Variants in AFF1 observed in about 807,000 individuals in gnomAD.
AFF1 encodes ALF transcription elongation factor 1.
In AFF1, 48 loss-of-function variants were observed where a neutral mutation model predicts 121.7. That is an observed-to-expected ratio of 0.39 (90% confidence interval 0.31 to 0.50). The LOEUF (loss-of-function observed/expected upper bound fraction) is 0.50. Ranked by LOEUF, AFF1 falls within the 20% of genes least tolerant of loss-of-function variation. The probability of loss-of-function intolerance (pLI) is 0.76; values close to 1 mark genes in which losing one functional copy is unlikely to be tolerated. For synonymous variants in AFF1, 613 were observed against 563.0 expected (o/e 1.09, Z -1.26); for missense variants, 1,523 against 1,511.7 (o/e 1.01, Z -0.12).
At chr4:87,018,999 T>C (rs1727622606) in intron 2 of AFF1, among the ~76,000 whole-genome samples, 1 of 152,208 alleles carries the variant, frequency 6.6e-6, no homozygotes, top group South Asian at 2.1e-4. Flanking sequence ...CTATTAAATA[T>C]AAAGGTTAAT....
At chr4:87,027,988 C>T (rs377426542) in intron 2 of AFF1, among the ~76,000 whole-genome samples, 94 of 151,748 alleles carry the variant, frequency 6.2e-4, no homozygotes, top group African/African-American at 2.1e-3. Context: ...TGAGTGATGA[C>T]ATGACACTCT....
intron 2 of AFF1, among the ~76,000 whole-genome samples, chr4:86,995,574 G>A (rs1233739008): frequency 2.0e-5 from 3 of 151,962 alleles, no homozygotes; most frequent in Admixed American, 6.6e-5. Flanking sequence ...TCGGCCTCCC[G>A]AGGTGCCGGG....
rs1211670776 is a variant in AFF1 at position 87,125,146 on chromosome 4, G to A, written c.2573+3G>A. ...CACAAAGAATCTTCTAAAACAAAGT[G>A]AGTATAGAGATTAGCAACCACCTAA... On this transcript the variant is annotated splice_donor_region_variant and intron_variant, in intron 13 of 20. Coordinates refer to ENST00000395146, the MANE Select transcript of AFF1 (RefSeq NM_001166693.3). The A allele has an allele frequency of 6.2e-7, 1 of 1,602,970 alleles. No individual in the cohort carries two copies. The highest frequency in any genetic ancestry group is 1.7e-5 in the Admixed American group (1 of 58,652).
chr4:86,976,653 G>A (rs937104529), intron 2 of AFF1, among the ~76,000 whole-genome samples: 2 of 152,142 alleles, frequency 1.3e-5, no homozygotes, highest in African/African-American at 2.4e-5. Flanking sequence ...GACCTAACAT[G>A]TACTATGCTT....
chr4:87,083,054 G>A (rs1723328684), intron 4 of AFF1, among the ~76,000 whole-genome samples: 1 of 152,180 alleles, frequency 6.6e-6, no homozygotes, highest in Admixed American at 6.5e-5. Flanking sequence ...ATGATGCCTG[G>A]CTCATGAATT....
At chr4:87,039,701 C>T (rs2149598943) in intron 2 of AFF1, among the ~76,000 whole-genome samples, 1 of 152,220 alleles carries the variant, frequency 6.6e-6, no homozygotes, top group Non-Finnish European at 1.5e-5. Context: ...CAGGTTGAAC[C>T]TCAAAGATGG....
chr4:86,936,120 G>A (rs942743070), intron 1 of AFF1: 1 of 152,242 alleles, frequency 6.6e-6, no homozygotes, highest in African/African-American at 2.4e-5. Flanking sequence ...ATCATCCCGG[G>A]AAGGCACTTG....
intron 2 of AFF1, among the ~76,000 whole-genome samples, chr4:87,005,689 G>A (rs1726051175): frequency 6.6e-6 from 1 of 152,116 alleles, no homozygotes; most frequent in African/African-American, 2.4e-5. Context: ...CTGCTTCCTG[G>A]GTACTTCCCA....
chr4:87,130,061 G>T (rs1352617839), intron 16 of AFF1, among the ~76,000 whole-genome samples: 2 of 149,816 alleles, frequency 1.3e-5, no homozygotes, highest in Non-Finnish European at 3.0e-5. Context: ...CGTAACCTCT[G>T]CCTCCCATAT....
rs1238034461 is a variant in AFF1, at chr4:87,134,711, G to GT, written c.3535+18dup. 6.3e-7 allele frequency: 1 copy of GT among 1,592,962 alleles called. No individual in the cohort carries two copies. The highest frequency in any genetic ancestry group is 1.7e-5 in the Admixed American group (1 of 59,894). ...AGAATAAAGGTAAATAAATGGCTTT[G>GT]TGGTGGTAATTACTGGGGTGTTTGG... On this transcript the variant is annotated intron_variant, in intron 20 of 20. Transcript: ENST00000395146.
At chr4:87,034,002 G>A (rs921155395) in intron 2 of AFF1, among the ~76,000 whole-genome samples, 5 of 152,126 alleles carry the variant, frequency 3.3e-5, no homozygotes, top group Admixed American at 1.3e-4. Context: ...CCTTGGGATG[G>A]GTGCAGGGAG....
chr4:87,011,464 T>A (rs904506307), intron 2 of AFF1, among the ~76,000 whole-genome samples: 1 of 152,218 alleles, frequency 6.6e-6, no homozygotes, highest in Non-Finnish European at 1.5e-5. Flanking sequence ...TAAACTGGTA[T>A]AGATCCAGTT....
intron 2 of AFF1, among the ~76,000 whole-genome samples, chr4:87,025,243 A>T (rs1728409208): frequency 6.6e-6 from 1 of 152,176 alleles, no homozygotes; most frequent in South Asian, 2.1e-4. Flanking sequence ...ATTAATAATG[A>T]CTCACAGTTA....
intron 2 of AFF1, among the ~76,000 whole-genome samples, chr4:86,986,045 T>TAATTC (rs1189418096): frequency 1.6e-5 from 2 of 126,634 alleles, no homozygotes; most frequent in East Asian, 2.0e-4. Flanking sequence ...CAATTCAATT[T>TAATTC]AATTTAATTT....
intron 8 of AFF1, among the ~76,000 whole-genome samples, chr4:87,103,380 A>G (rs1725617915): frequency 6.6e-6 from 1 of 152,246 alleles, no homozygotes; most frequent in Non-Finnish European, 1.5e-5. Context: ...AATTATACTC[A>G]CAAATTTTTA....
intron 2 of AFF1, among the ~76,000 whole-genome samples, chr4:86,973,051 A>C (rs1723053146): frequency 6.6e-6 from 1 of 152,152 alleles, no homozygotes; most frequent in Non-Finnish European, 1.5e-5. Context: ...AATCTCTGGG[A>C]TTTGTAAGAG....
chr4:87,087,154 G>A (rs578030183), intron 5 of AFF1, among the ~76,000 whole-genome samples: 1 of 152,356 alleles, frequency 6.6e-6, no homozygotes, highest in East Asian at 1.9e-4. Context: ...CCTCAGTGCA[G>A]CATTTCCATG....
rs769130618 is a variant in AFF1, at chr4:87,047,131, C to T, written c.596C>T (p.Ser199Leu). Residue 199 changes from serine (S) to leucine (L), a missense_variant, in exon 4 of 21, where the codon TCG (serine) becomes TTG (leucine). By Grantham distance (145) the Ser-to-Leu change is moderately radical. Coordinates refer to ENST00000395146, the MANE Select transcript of AFF1 (RefSeq NM_001166693.3). ...DGDHCASVTD[S>L]APERELSPLI... ...GACCACTGTGCTTCGGTGACAGATT[C>T]GGCTCCAGAGAGGGAGCTTTCTCCC... The T allele has an allele frequency of 2.5e-5, 41 of 1,614,066 alleles. No homozygotes were observed. Among genetic ancestry groups the T allele is most frequent in the Middle Eastern group, 1.6e-4 (1 of 6,084 alleles).
chr4:87,105,472 T>TTA (rs1328455216), intron 8 of AFF1, among the ~76,000 whole-genome samples, 156 bp from the exon 9 acceptor site: 1 of 152,250 alleles, frequency 6.6e-6, no homozygotes, highest in Non-Finnish European at 1.5e-5. Flanking sequence ...ATTGTAAAAC[T>TTA]TAACATTTTC....
Sources: allele counts gnomAD v4.1 joint callset (sites outside exome capture counted in the v4.1 genomes callset), GRCh38; gene constraint gnomAD v4.1.1; transcripts MANE v1.5; gene names NCBI Gene and HGNC (gene_info 2026-07-23, HGNC 2026-07-21).